LONP1: variants seen among roughly 807,000 people sequenced by gnomAD.
LONP1 encodes the protein lon protease homolog, mitochondrial.
Under a neutral mutation model 98.5 loss-of-function variants are expected in LONP1, and 31 were observed. The ratio of observed to expected loss-of-function variants is 0.31; its 90% CI spans 0.24 to 0.42. LONP1 has a LOEUF of 0.42. Among genes scored for constraint, LONP1 ranks in the 20% least tolerant of loss-of-function variants. The probability of loss-of-function intolerance (pLI) is 1.00; values close to 1 mark genes in which losing one functional copy is unlikely to be tolerated. For missense variants in LONP1, 1,336 were observed against 1,350.6 expected (o/e 0.99, Z 0.17); for synonymous variants, 781 against 594.7 (o/e 1.31, Z -4.56).
chr19:5,698,387 G>A (rs996242859), intron 10 of LONP1, among the ~76,000 whole-genome samples: 18 of 152,208 alleles, frequency 1.2e-4, no homozygotes, highest in East Asian at 5.8e-4. Context: ...TGAGGCTACG[G>A]TTTCCAAAGA....
Position 5,720,055 on chromosome 19 carries a change from G to A in LONP1, c.78C>T (p.Ala26=), listed in dbSNP as rs1326198990. 2.6e-6 allele frequency: 4 copies of A among 1,536,260 alleles called. No homozygotes were observed. The highest frequency in any genetic ancestry group is 2.2e-4 in the Middle Eastern group (1 of 4,606). Residue 26 remains alanine, a synonymous_variant, in exon 1 of 18, where the codon GCC becomes GCT. Transcript: ENST00000360614. Reference sequence around the variant, plus strand: ...CTGCAGTGGGAACCCGCCCCCCGGCGGCGGCCAGCATCGGCCGCCGCAGCA... The same window carrying A: ...CTGCAGTGGGAACCCGCCCCCCGGCAGCGGCCAGCATCGGCCGCCGCAGCA... ...CWVLRRPMLA[A]AGGRVPTAAG...
At chr19:5,720,185 A>C (rs977196777), upstream of LONP1, 22 of 1,384,264 alleles carry the variant, frequency 1.6e-5, no homozygotes, top group African/African-American at 3.4e-4. Flanking sequence ...GCTCGCCGCG[A>C]AACGCACGTG....
In LONP1 at chr19:5,699,038, G is replaced by A. The variant is rs1452893251; in HGVS notation, c.1674C>T (p.Ile558=). 2 of 1,607,732 alleles carry A rather than the reference G, an allele frequency of 1.2e-6. No homozygotes were observed. The highest frequency in any genetic ancestry group is 2.3e-5 in the East Asian group (1 of 44,350). ...SVGGMTDVAE[I]KGHRRTYVGA... is the part of the protein sequence containing the mutation. ...CAGGCCAGGCCTACCTGTGGCCCTT[G>A]ATCTCAGCCACGTCAGTCATGCCCC... The change falls in exon 10 of 18, where the codon ATC becomes ATT. Residue 558 remains isoleucine (I), a synonymous_variant. Transcript: ENST00000360614.
intron 1 of LONP1, among the ~76,000 whole-genome samples, chr19:5,715,369 C>T (rs776245979): frequency 6.8e-6 from 1 of 147,730 alleles, no homozygotes; most frequent in Non-Finnish European, 1.5e-5. Context: ...TCAGGCTGGG[C>T]GCGGTGGCTC....
rs949025117 is a variant in LONP1, at chr19:5,693,481, A to T, written c.2539-19T>A. 1.2e-6 allele frequency: 2 copies of T among 1,611,102 alleles called. No individual in the cohort carries two copies. Among genetic ancestry groups the T allele is most frequent in the African/African-American group, 2.7e-5 (2 of 74,836 alleles). On this transcript the variant is annotated intron_variant, in intron 16 of 17. Coordinates refer to ENST00000360614, the MANE Select transcript of LONP1 (RefSeq NM_004793.4). ...TGGCGCCCTGTGGAGGCATGTGGGG[A>T]TAGTGGGTGAGCAGGTGGCCAGCAG... is the stretch of plus-strand genomic sequence containing the variant.
chr19:5,698,976 G>A (rs764987047), intron 10 of LONP1, 51 bp downstream of exon 10: 20 of 1,521,900 alleles, frequency 1.3e-5, no homozygotes, highest in African/African-American at 5.6e-5. Context: ...GACGAAGCCC[G>A]GCAGCACAGC....
At chr19:5,696,534 C>T (rs1040053570) in intron 11 of LONP1, 136 bp downstream of exon 11, 8 of 1,276,906 alleles carry the variant, frequency 6.3e-6, no homozygotes, top group South Asian at 1.4e-5. Flanking sequence ...TGGGAGGGAC[C>T]CGTCCGTGCC....
intron 14 of LONP1, 67 bp downstream of exon 14, chr19:5,694,694 G>A (rs1446222336): frequency 3.3e-6 from 5 of 1,536,918 alleles, no homozygotes; most frequent in African/African-American, 2.7e-5. Context: ...GGCATGGAAA[G>A]GTGGGGTGAT....
Position 5,713,252 on chromosome 19 carries a change from T to C in LONP1, c.520A>G (p.Asn174Asp). The change falls in exon 3 of 18, where the codon AAT (asparagine) becomes GAT (aspartate). Residue 174 changes from asparagine to aspartate, a missense_variant and splice_region_variant. Around this residue, in one of 5 missense-constraint regions of LONP1, gnomAD observed 457 missense variants for 403.1 expected, o/e 1.13. Transcript: ENST00000360614. ...VGVFLKRDDS[N>D]ESDVVESLDE... Reference sequence around the variant, plus strand: ...AGGCTCTCGACCACATCCGACTCATTGCTGTGGGAGAAGAGCACAGAGGAA... The same window carrying C: ...AGGCTCTCGACCACATCCGACTCATCGCTGTGGGAGAAGAGCACAGAGGAA... 6.2e-7 allele frequency: 1 copy of C among 1,614,000 alleles called. No individual in the cohort carries two copies. The highest frequency in any genetic ancestry group is 8.5e-7 in the Non-Finnish European group (1 of 1,179,924).
chr19:5,710,175 C>T (rs564215918), intron 4 of LONP1, among the ~76,000 whole-genome samples: 140 of 151,502 alleles, frequency 9.2e-4, no homozygotes, highest in African/African-American at 3.3e-3. Flanking sequence ...CCTCTGCCTC[C>T]CAGGTTCAAG....
At chr19:5,701,047 C>T in intron 8 of LONP1, 120 bp from the exon 9 acceptor site, 1 of 1,120,188 alleles carries the variant, frequency 8.9e-7, no homozygotes, top group Non-Finnish European at 1.3e-6. Context: ...AGCGCGGTGG[C>T]TCACGCCTGT....
At chr19:5,702,468 C>G (rs1183888480) in intron 8 of LONP1, among the ~76,000 whole-genome samples, 1 of 151,786 alleles carries the variant, frequency 6.6e-6, no homozygotes, top group South Asian at 2.1e-4. Flanking sequence ...GCCGCCCCCT[C>G]TGGGAGGGAG....
chr19:5,700,743 C>A (rs143098888), intron 9 of LONP1, 46 bp downstream of exon 9: 34 of 1,609,004 alleles, frequency 2.1e-5, no homozygotes, highest in Middle Eastern at 3.3e-4. Context: ...GTCCTGGGCC[C>A]GGGCACCCAC....
chr19:5,716,622 C>T (rs1178598446), intron 1 of LONP1, among the ~76,000 whole-genome samples: 2 of 151,060 alleles, frequency 1.3e-5, no homozygotes, highest in Non-Finnish European at 2.9e-5. Flanking sequence ...GTGTGACCCA[C>T]TGTTATAAGT....
chr19:5,695,250 C>A (rs915809790), intron 13 of LONP1, among the ~76,000 whole-genome samples: 2 of 152,126 alleles, frequency 1.3e-5, no homozygotes, highest in African/African-American at 4.8e-5. Context: ...GCCCTCAGCA[C>A]ATGAGGAAGG....
rs369661390 is a variant in LONP1, at chr19:5,699,179, G to A, written c.1533C>T (p.Arg511=). The change falls in exon 10 of 18, where the codon CGC becomes CGT. Residue 511 remains arginine (R), a synonymous_variant. Coordinates refer to ENST00000360614, the MANE Select transcript of LONP1 (RefSeq NM_004793.4). ...AGAGGATCTTGCCCTGGGTGGAGCC[G>A]CGGAGCTGGCTAACGGCAATGAACT... ...ILEFIAVSQL[R]GSTQGKILCF... is the part of the protein sequence containing the mutation. 7.9e-6 allele frequency: 12 copies of A among 1,513,690 alleles called. No individual in the cohort carries two copies. The highest frequency in any genetic ancestry group is 1.8e-4 in the Middle Eastern group (1 of 5,684). 93.8% of individuals were successfully genotyped at this position (1,513,690 alleles called of 1,614,324 possible).
chr19:5,708,468 G>GGGGGGGGGGGGGGGC lies in LONP1; in HGVS notation c.871-66_871-65insGCCCCCCCCCCCCCC. Reference sequence around the variant, plus strand: ...CTCCAGCAGGGGGTGGGCTGGGTGGGAGCATGGCCCTGGGAGCCCCACCCA... The same window carrying GGGGGGGGGGGGGGGC: ...CTCCAGCAGGGGGTGGGCTGGGTGGGGGGGGGGGGGGGGGCAGCATGGCCCTGGGAGCCCCACCCA... On this transcript the variant is annotated intron_variant, in intron 4 of 17. Coordinates refer to ENST00000360614, the MANE Select transcript of LONP1 (RefSeq NM_004793.4). 9.1e-6 allele frequency: 5 copies of GGGGGGGGGGGGGGGC among 551,256 alleles called. No homozygotes were observed. In the East Asian group the frequency reaches 1.4e-4, roughly 16 times the overall value. The allele number at this position is 551,256 out of a possible 1,614,324, so 34.1% of individuals were successfully genotyped here.
At chr19:5,706,848 C>A (rs935091358) in intron 7 of LONP1, among the ~76,000 whole-genome samples, 1 of 152,240 alleles carries the variant, frequency 6.6e-6, no homozygotes, top group East Asian at 1.9e-4. Context: ...TACACTGGGA[C>A]CAGCTTTAAG....
chr19:5,714,094 G>T, intron 2 of LONP1, 89 bp downstream of exon 2: 2 of 1,007,222 alleles, frequency 2.0e-6, no homozygotes, highest in Admixed American at 2.4e-5. Flanking sequence ...GGGGTCAGGG[G>T]TCAAAGGTGC....
Sources: allele counts gnomAD v4.1 joint callset (sites outside exome capture counted in the v4.1 genomes callset), GRCh38; gene constraint gnomAD v4.1.1; regional missense constraint gnomAD v4.1.1; transcripts MANE v1.5; gene names NCBI Gene and HGNC (gene_info 2026-07-23, HGNC 2026-07-21).